EPB41L1: variants seen among roughly 807,000 people sequenced by gnomAD.
The protein encoded by EPB41L1 is erythrocyte membrane protein band 4.1 like 1.
EPB41L1 carries 29 observed loss-of-function variants against 97.8 expected under a neutral mutation model. That is an observed-to-expected ratio of 0.30 (90% CI 0.22 to 0.40). EPB41L1 has a LOEUF of 0.40. Ranked by LOEUF, EPB41L1 falls within the 10% of genes least tolerant of loss-of-function variation. The pLI, the probability that EPB41L1 is intolerant of heterozygous loss-of-function variation, is 1.00. For missense variants in EPB41L1, 812 were observed against 1,162.3 expected (o/e 0.70, Z 4.38); for synonymous variants, 383 against 459.2 (o/e 0.83, Z 2.12).
chr20:36,221,812 C>T (rs1156757538), intron 19 of EPB41L1, 52 bp from the exon 20 acceptor site: 1 of 1,547,214 alleles, frequency 6.5e-7, no homozygotes, highest in Non-Finnish European at 8.9e-7. Flanking sequence ...CCTCTTGAGG[C>T]TGCTGCCCCA....
chr20:36,165,905 A>AGTGG (rs1300066066), intron 1 of EPB41L1, among the ~76,000 whole-genome samples: 8 of 152,266 alleles, frequency 5.3e-5, no homozygotes, highest in Admixed American at 5.2e-4. Context: ...AATGCCATAC[A>AGTGG]GTGGGAAGAA....
At position 36,106,867 on chromosome 20, in the gene EPB41L1, T is replaced by C. The variant is rs982668306; in HGVS notation, c.-64-5559T>C. ...CTCTGTCGCCCAGGCTGGAGTGCAG[T>C]GGCACAATCATTGCAACGTCTGCCT... On this transcript the variant is annotated intron_variant, in intron 1 of 19. Coordinates refer to the EPB41L1 transcript ENST00000202028. Among the ~76,000 whole-genome samples, 4 of 152,312 alleles carry C rather than the reference T, an allele frequency of 2.6e-5. No homozygotes were observed. In the East Asian group the frequency reaches 7.7e-4, roughly 29 times the overall value.
chr20:36,136,360 TGG>T (rs2059416039), intron 2 of EPB41L1, among the ~76,000 whole-genome samples: 1 of 147,456 alleles, frequency 6.8e-6, no homozygotes, highest in Non-Finnish European at 1.5e-5. Flanking sequence ...TTTTTTTTTT[TGG>T]AGAAACAGGG....
intron 4 of EPB41L1, 35 bp from the exon 5 acceptor site, chr20:36,178,595 G>A (rs373764456): frequency 4.5e-5 from 72 of 1,609,928 alleles, no homozygotes; most frequent in African/African-American, 3.7e-4. Flanking sequence ...CCTTTCCTGC[G>A]TCTTCCCTCT....
intron 5 of EPB41L1, among the ~76,000 whole-genome samples, chr20:36,179,674 T>C (rs186241581): frequency 4.6e-5 from 7 of 152,322 alleles, no homozygotes; most frequent in Admixed American, 2.0e-4. Flanking sequence ...CCCTCCCCCT[T>C]GGCTGTGGTT....
At chr20:36,129,324 T>G (rs1490980557) in intron 2 of EPB41L1, among the ~76,000 whole-genome samples, 1 of 151,952 alleles carries the variant, frequency 6.6e-6, no homozygotes, top group Non-Finnish European at 1.5e-5. Flanking sequence ...GCGGGGTGAA[T>G]GGCCACGGGT....
intron 1 of EPB41L1, among the ~76,000 whole-genome samples, chr20:36,101,699 G>A (rs893854640): frequency 6.6e-6 from 1 of 152,160 alleles, no homozygotes; most frequent in Non-Finnish European, 1.5e-5. Context: ...AGGTGAGCAT[G>A]CTAAAAAGCA....
chr20:36,151,139 G>A (rs6060825), upstream of EPB41L1: 34 of 152,526 alleles, frequency 2.2e-4, no homozygotes, highest in African/African-American at 7.5e-4. Flanking sequence ...GTCTGTGGCT[G>A]ACTCTGTGTC....
chr20:36,152,195 T>C (rs1033646606), upstream of EPB41L1: 4 of 152,084 alleles, frequency 2.6e-5, no homozygotes, highest in Admixed American at 2.0e-4. Flanking sequence ...AACTGGAAAG[T>C]GCTAATAGAA....
At chr20:36,136,311 C>G (rs1446075892) in intron 2 of EPB41L1, among the ~76,000 whole-genome samples, 2 of 150,864 alleles carry the variant, frequency 1.3e-5, no homozygotes, top group Non-Finnish European at 2.9e-5. Context: ...GCTGGGACTA[C>G]AGGCACATGC....
rs770425305 is a variant in EPB41L1, at chr20:36,232,116, C to G, written c.*2776C>G. 1 of 152,798 alleles carries G rather than the reference C, an allele frequency of 6.5e-6. No individual in the cohort carries two copies. The allele number at this position is 152,798 out of a possible 1,614,324, so 9.5% of individuals were successfully genotyped here. On this transcript the variant is annotated 3_prime_UTR_variant, in exon 22 of 22. Coordinates refer to ENST00000338074, the MANE Select transcript of EPB41L1 (RefSeq NM_012156.2). ...TTCTACGGAGATGCAGGCAGTGCCA[C>G]GAGGGAGGAGGGGACCTGCAAAGCT...
At chr20:36,163,273 T>G (rs1375235885) in intron 1 of EPB41L1, among the ~76,000 whole-genome samples, 1 of 152,182 alleles carries the variant, frequency 6.6e-6, no homozygotes, top group Non-Finnish European at 1.5e-5. Flanking sequence ...CATTTTAGTC[T>G]TTGGACTTAA....
chr20:36,094,431 CTG>C (rs1371362989), intron 1 of EPB41L1, among the ~76,000 whole-genome samples: 2 of 152,172 alleles, frequency 1.3e-5, no homozygotes, highest in Non-Finnish European at 2.9e-5. Flanking sequence ...TGGATTTTGA[CTG>C]TGATACAAGG....
chr20:36,110,100 C>T (rs2058340642), intron 1 of EPB41L1, among the ~76,000 whole-genome samples: 1 of 152,046 alleles, frequency 6.6e-6, no homozygotes, highest in African/African-American at 2.4e-5. Flanking sequence ...TGCCACCATG[C>T]CTGGCTAATT....
chr20:36,212,543 C>G lies in EPB41L1; in HGVS notation c.2184+167C>G, dbSNP rs2063193693. Among the ~76,000 whole-genome samples, 1 of 152,172 alleles carries G rather than the reference C, an allele frequency of 6.6e-6. No individual in the cohort carries two copies. The highest frequency in any genetic ancestry group is 1.5e-5 in the Non-Finnish European group (1 of 68,024). On this transcript the variant is annotated intron_variant, in intron 16 of 21. Transcript: ENST00000338074. This position sits in a 1 kb window ranked among gnomAD's most constrained non-coding sequence, Gnocchi z 4.8. Reference sequence around the variant, plus strand: ...TGTGCCTCAGTGTCCTCTCTGAGCTCTGGGGAGGGGCAACGGGTAAAGCAG... The same window carrying G: ...TGTGCCTCAGTGTCCTCTCTGAGCTGTGGGGAGGGGCAACGGGTAAAGCAG...
chr20:36,220,929 G>A (rs2061097064), intron 19 of EPB41L1, among the ~76,000 whole-genome samples: 1 of 152,216 alleles, frequency 6.6e-6, no homozygotes, highest in African/African-American at 2.4e-5. Flanking sequence ...GGGCCTTCAT[G>A]CACGGACTGT....
chr20:36,154,428 GCA>G (rs2060186963), upstream of EPB41L1, among the ~76,000 whole-genome samples: 1 of 151,864 alleles, frequency 6.6e-6, no homozygotes, highest in Admixed American at 6.5e-5. This position sits in a 1 kb window ranked among gnomAD's most constrained non-coding sequence, Gnocchi z 5.5. Flanking sequence ...CCCCCCAGCT[GCA>G]CAGTCCCGCA....
At chr20:36,222,497 T>G (rs2063839073) in intron 21 of EPB41L1, 103 bp downstream of exon 21, 1 of 933,590 alleles carries the variant, frequency 1.1e-6, no homozygotes, top group Non-Finnish European at 1.7e-6. Context: ...TGACCCCTAG[T>G]GCAGCTTTGA....
At position 36,205,971 on chromosome 20, in the gene EPB41L1, C is replaced by T. The variant is rs766862966; in HGVS notation, c.1669-3517C>T. The T allele has an allele frequency of 3.9e-5, 50 of 1,289,842 alleles. No homozygotes were observed. The Middle Eastern group carries it at 6.4e-4, about 16-fold the overall frequency. The allele number at this position is 1,289,842 out of a possible 1,614,324, so 79.9% of individuals were successfully genotyped here. ...CAGGCCTTGCTGGTATCCTTGCCAA[C>T]GGCAGACTCTCCAAGGTAGACGTTC... On this transcript the variant is annotated intron_variant, in intron 14 of 21. Transcript: ENST00000338074.
Sources: gnomAD v4.1 joint callset for allele counts (sites outside exome capture counted in the v4.1 genomes callset) on GRCh38, gnomAD v4.1.1 for gene constraint, Gnocchi (gnomAD v3.1) non-coding constraint, MANE v1.5 for transcripts, NCBI Gene and HGNC (gene_info 2026-07-23, HGNC 2026-07-21) for gene names.